Variants in STAM2 observed in about 807,000 individuals in gnomAD.
STAM2 encodes the protein signal transducing adapter molecule 2.
Under a neutral mutation model 65.6 loss-of-function variants are expected in STAM2, and 51 were observed. The observed-to-expected ratio is 0.78, with a 90% CI of 0.62 to 0.98. The LOEUF is 0.98. STAM2 is among the 50% of genes least tolerant of loss of function. The pLI is 0.00. For synonymous variants in STAM2, 198 were observed against 208.4 expected (o/e 0.95, Z 0.43); for missense variants, 584 against 617.8 (o/e 0.95, Z 0.58).
At chr2:152,173,737 T>A (rs1290839038) in intron 1 of STAM2, among the ~76,000 whole-genome samples, 1 of 152,212 alleles carries the variant, frequency 6.6e-6, no homozygotes, top group African/African-American at 2.4e-5. Context: ...AGTTTTAAGA[T>A]ATTAAAAACG....
chr2:152,160,324 G>A (rs1361107221), intron 1 of STAM2, among the ~76,000 whole-genome samples: 2 of 151,192 alleles, frequency 1.3e-5, no homozygotes, highest in African/African-American at 2.4e-5. Context: ...AGGAAGTGAG[G>A]AGCGTCTCTG....
chr2:152,172,278 A>C (rs542374926), intron 1 of STAM2, among the ~76,000 whole-genome samples: 17 of 152,300 alleles, frequency 1.1e-4, no homozygotes, highest in Admixed American at 1.0e-3. Context: ...GATGCCAAGA[A>C]AAGACAGGAA....
chr2:152,146,349 T>C (rs969855048), intron 5 of STAM2, among the ~76,000 whole-genome samples: 2 of 151,554 alleles, frequency 1.3e-5, no homozygotes, highest in African/African-American at 4.9e-5. Flanking sequence ...CTTCTCATCG[T>C]CTCTTTCCCT....
chr2:152,122,305 G>C (rs1481112381), intron 13 of STAM2, among the ~76,000 whole-genome samples: 1 of 151,814 alleles, frequency 6.6e-6, no homozygotes, highest in East Asian at 1.9e-4. Context: ...TGCGCCTGTG[G>C]TCTCAGCTAC....
At chr2:152,154,811 G>T (rs891681943) in intron 1 of STAM2, among the ~76,000 whole-genome samples, 8 of 152,130 alleles carry the variant, frequency 5.3e-5, no homozygotes, top group African/African-American at 1.9e-4. Flanking sequence ...GTCTATACCA[G>T]TATTTTTAGT....
At chr2:152,143,675 A>G in intron 7 of STAM2, 152 bp downstream of exon 7, 2 of 491,128 alleles carry the variant, frequency 4.1e-6, no homozygotes, top group Non-Finnish European at 6.9e-6. Flanking sequence ...GAAGAGGCTC[A>G]CATTACATGC....
In STAM2 at chr2:152,143,834, C is replaced by T; in HGVS notation, c.697G>A (p.Asp233Asn). The T allele has an allele frequency of 6.2e-7, 1 of 1,607,896 alleles. No individual in the cohort carries two copies. The highest frequency in any genetic ancestry group is 8.5e-7 in the Non-Finnish European group (1 of 1,177,310). The part of the protein sequence containing the change: ...FKHGEIIIVL[D>N]DSDANWWKGE... Reference sequence around the variant, plus strand: ...TAAAGATTTAAAACTTACCTGTCATCCAAAACAATAATTATTTCACCATGT... The same window carrying T: ...TAAAGATTTAAAACTTACCTGTCATTCAAAACAATAATTATTTCACCATGT... The change falls in exon 7 of 14, where the codon GAT becomes AAT. Residue 233 changes from aspartate to asparagine, a missense_variant. By Grantham distance (23) the Asp-to-Asn change is conservative (BLOSUM62 1). Transcript: ENST00000263904.
intron 1 of STAM2, among the ~76,000 whole-genome samples, chr2:152,160,172 G>A (rs1480925314): frequency 2.0e-5 from 3 of 151,968 alleles, no homozygotes; most frequent in South Asian, 2.1e-4. Flanking sequence ...AGTGAGGAGC[G>A]TCTCTGCCTG....
rs1193434483 is a variant in STAM2 at position 152,175,675 on chromosome 2, C to T, written c.-33G>A. On this transcript the variant is annotated 5_prime_UTR_variant, in exon 1 of 14. Coordinates refer to ENST00000263904, the MANE Select transcript of STAM2 (RefSeq NM_005843.6). ...GCGCCCGAGCCCTAGTCGCTGCTGT[C>T]TAGCTGACACTCAGCAACTGCTACC... 6.3e-7 allele frequency: 1 copy of T among 1,597,892 alleles called. No individual in the cohort carries two copies. Among genetic ancestry groups the T allele is most frequent in the East Asian group, 2.3e-5 (1 of 43,832 alleles).
At chr2:152,174,513 TG>T (rs1689972549) in intron 1 of STAM2, among the ~76,000 whole-genome samples, 1 of 152,236 alleles carries the variant, frequency 6.6e-6, no homozygotes. Context: ...TTTTTTAAAA[TG>T]GCTTAGGGGA....
chr2:152,117,021 C>CT lies in STAM2; in HGVS notation c.*3552dup, dbSNP rs1286929478. ...TAAGGGCGGGGGTGAGGGGTGGCTA[C>CT]TGTTAAGTCACATTGTGACATTCCA... On this transcript the variant is annotated 3_prime_UTR_variant, in exon 14 of 14. Transcript: ENST00000263904. 9.9e-5 allele frequency: 15 copies of CT among 152,236 alleles called. No homozygotes were observed. In the East Asian group the frequency reaches 2.9e-3, roughly 29 times the overall value. The allele number at this position is 152,236 out of a possible 1,614,324, so 9.4% of individuals were successfully genotyped here. A position where few individuals can be genotyped will look rare whatever the true frequency, so the allele number is the denominator to read the frequency against.
chr2:152,174,574 A>G (rs1689974288), intron 1 of STAM2, among the ~76,000 whole-genome samples: 1 of 152,222 alleles, frequency 6.6e-6, no homozygotes, highest in African/African-American at 2.4e-5. Context: ...CTAATAACCA[A>G]ATGTTAACTA....
At chr2:152,126,714 C>T (rs1429097433) in intron 11 of STAM2, among the ~76,000 whole-genome samples, 1 of 151,824 alleles carries the variant, frequency 6.6e-6, no homozygotes, top group Non-Finnish European at 1.5e-5. Context: ...CTTTGCAAAC[C>T]CCCCACGTTT....
rs139681962 is a variant in STAM2 at position 152,126,300 on chromosome 2, G to T, written c.1105C>A (p.Pro369Thr). ...AGCTTTGAATAGACTGAGTACACTG[G>T]TGCTTCATTCACCAATTTGTTATAT... ...ELYNKLVNEA[P>T]VYSVYSKLHP... The change falls in exon 12 of 14, where the codon CCA becomes ACA. Residue 369 changes from proline (P) to threonine (T), a missense_variant. Coordinates refer to ENST00000263904, the MANE Select transcript of STAM2 (RefSeq NM_005843.6). 6.2e-7 allele frequency: 1 copy of T among 1,608,270 alleles called. No homozygotes were observed. Among genetic ancestry groups the T allele is most frequent in the Non-Finnish European group, 8.5e-7 (1 of 1,177,134 alleles).
rs757195909 is a variant in STAM2 at position 152,148,259 on chromosome 2, T to C, written c.167A>G (p.His56Arg). Residue 56 changes from histidine (H) to arginine (R), a missense_variant, in exon 3 of 14, where the codon CAT becomes CGT. By Grantham distance (29) the His-to-Arg change is conservative (BLOSUM62 0). Coordinates refer to ENST00000263904, the MANE Select transcript of STAM2 (RefSeq NM_005843.6). ...TTGCAGAGCAACATGTGGAACCTTATGATTTACCCTTTTCATTATGGCTTT... is the reference window on the plus strand; with the variant it reads ...TTGCAGAGCAACATGTGGAACCTTACGATTTACCCTTTTCATTATGGCTTT... ...CLKAIMKRVN[H>R]KVPHVALQAL... The C allele has an allele frequency of 2.5e-6, 4 of 1,611,600 alleles. No individual in the cohort carries two copies. Among genetic ancestry groups the C allele is most frequent in the African/African-American group, 2.7e-5 (2 of 74,814 alleles).
At chr2:152,126,148 T>C (rs901091978) in intron 12 of STAM2, 78 bp downstream of exon 12, 5 of 1,197,960 alleles carry the variant, frequency 4.2e-6, no homozygotes, top group Middle Eastern at 2.8e-4. Context: ...GAAATCTTAA[T>C]ACTATGCTAT....
At chr2:152,147,443 C>T (rs1448222726) in intron 4 of STAM2, 135 bp from the exon 5 acceptor site, 1 of 818,156 alleles carries the variant, frequency 1.2e-6, no homozygotes, top group African/African-American at 1.8e-5. Context: ...AAATTTCTAG[C>T]CTAGTTGAGT....
At chr2:152,171,778 A>G (rs1426986123) in intron 1 of STAM2, among the ~76,000 whole-genome samples, 1 of 152,250 alleles carries the variant, frequency 6.6e-6, no homozygotes, top group East Asian at 1.9e-4. Flanking sequence ...GTGGGACACA[A>G]GCGTATCTTT....
chr2:152,117,384 C>A lies in STAM2; in HGVS notation c.*3190G>T, dbSNP rs1688766901. On this transcript the variant is annotated 3_prime_UTR_variant, in exon 14 of 14. Transcript: ENST00000263904. ...CATGTTGCCAGGTTGGTCTCAAACT[C>A]CTAGCCTCAAGCAATACTCCTATCT... 6.6e-6 allele frequency: 1 copy of A among 152,112 alleles called. No individual in the cohort carries two copies. Among genetic ancestry groups the A allele is most frequent in the Non-Finnish European group, 1.5e-5 (1 of 68,050 alleles). The allele number at this position is 152,112 out of a possible 1,614,324, so 9.4% of individuals were successfully genotyped here.
Sources: allele counts gnomAD v4.1 joint callset (sites outside exome capture counted in the v4.1 genomes callset), GRCh38; gene constraint gnomAD v4.1.1; transcripts MANE v1.5; gene names NCBI Gene and HGNC (gene_info 2026-07-23, HGNC 2026-07-21).